ARHGEF11: variants seen among roughly 807,000 people sequenced by gnomAD.
ARHGEF11 encodes Rho guanine exchange factor (GEF) 11.
A neutral mutation model predicts 193.7 loss-of-function variants in ARHGEF11; 55 were observed. The observed-to-expected ratio is 0.28, with a 90% CI of 0.23 to 0.36. ARHGEF11 has a LOEUF of 0.36. ARHGEF11 is among the 10% of genes least tolerant of loss of function. The pLI is 1.00. For synonymous variants in ARHGEF11, 693 were observed against 768.0 expected (o/e 0.90, Z 1.62); for missense variants, 1,723 against 2,005.6 (o/e 0.86, Z 2.69).
intron 6 of ARHGEF11, among the ~76,000 whole-genome samples, chr1:156,977,920 C>G (rs1663491514): frequency 6.6e-6 from 1 of 152,182 alleles, no homozygotes; most frequent in Non-Finnish European, 1.5e-5. Flanking sequence ...ATGAGGAGCA[C>G]TTTTAGACAG....
intron 11 of ARHGEF11, among the ~76,000 whole-genome samples, chr1:156,966,667 A>G (rs1159821793): frequency 6.6e-6 from 1 of 152,216 alleles, no homozygotes; most frequent in Non-Finnish European, 1.5e-5. Context: ...ATACTGGCTC[A>G]TATTGTAAGA....
At chr1:157,011,685 T>G (rs1392436717) in intron 1 of ARHGEF11, among the ~76,000 whole-genome samples, 3 of 152,142 alleles carry the variant, frequency 2.0e-5, no homozygotes, top group African/African-American at 7.2e-5. Context: ...GAAAAGATAC[T>G]TCTCCAAAGA....
intron 1 of ARHGEF11, among the ~76,000 whole-genome samples, chr1:157,021,123 G>A (rs1026631910): frequency 6.6e-6 from 1 of 152,222 alleles, no homozygotes; most frequent in Non-Finnish European, 1.5e-5. Flanking sequence ...CAGTTGCTCT[G>A]TAGGAAGATG....
intron 37 of ARHGEF11, chr1:156,939,299 TTCAG>T: frequency 1.8e-6 from 1 of 549,392 alleles, no homozygotes; most frequent in Non-Finnish European, 3.2e-6. Flanking sequence ...TAAAACAAAG[TTCAG>T]AGATGATTCA....
chr1:156,956,443 G>A lies in ARHGEF11; in HGVS notation c.1648C>T (p.Pro550Ser), dbSNP rs1198525798. Reference protein sequence around the residue: ...QSAPDKDKWLPFFPKTKKSSN... With the variant: ...QSAPDKDKWLSFFPKTKKSSN... Reference sequence around the variant, plus strand: ...ACCTTCTTGGTCTTAGGGAAGAACGGTAGCCACTTGTCCTTGTCAGGAGCA... The same window carrying A: ...ACCTTCTTGGTCTTAGGGAAGAACGATAGCCACTTGTCCTTGTCAGGAGCA... The change falls in exon 19 of 41, where the codon CCG becomes TCG. Residue 550 changes from proline to serine, a missense_variant. By Grantham distance (74) the Pro-to-Ser change is moderately conservative. Transcript: ENST00000368194. 6.2e-7 allele frequency: 1 copy of A among 1,613,972 alleles called. No individual in the cohort carries two copies. The highest frequency in any genetic ancestry group is 2.2e-5 in the East Asian group (1 of 44,884).
At chr1:157,000,639 G>A (rs569748612) in intron 1 of ARHGEF11, among the ~76,000 whole-genome samples, 4 of 152,304 alleles carry the variant, frequency 2.6e-5, no homozygotes, top group East Asian at 3.9e-4. Flanking sequence ...AAAGTACTGG[G>A]TGGCAGAGGA....
intron 21 of ARHGEF11, among the ~76,000 whole-genome samples, chr1:156,952,032 C>T (rs200988118): frequency 3.9e-5 from 6 of 152,014 alleles, no homozygotes; most frequent in African/African-American, 1.4e-4. Flanking sequence ...TTCCTAAAAG[C>T]CACATACAGG....
At chr1:156,940,500 G>A (rs1288379468) in intron 35 of ARHGEF11, 75 bp from the exon 36 acceptor site, 2 of 1,357,144 alleles carry the variant, frequency 1.5e-6, no homozygotes, top group Non-Finnish European at 2.0e-6. Context: ...GGGCAGCTTT[G>A]GAGCCAAGGG....
At chr1:157,014,004 A>T (rs12027230) in intron 1 of ARHGEF11, among the ~76,000 whole-genome samples, 4 of 152,064 alleles carry the variant, frequency 2.6e-5, no homozygotes, top group Non-Finnish European at 4.4e-5. Context: ...AGCTGCACTC[A>T]GCTAGGGAAA....
chr1:157,004,359 CAACTCCAT>C (rs1217359260), intron 1 of ARHGEF11, among the ~76,000 whole-genome samples: 2 of 152,172 alleles, frequency 1.3e-5, no homozygotes, highest in African/African-American at 4.8e-5. Flanking sequence ...GTGGAAAATT[CAACTCCAT>C]CCCAGGCGGA....
intron 13 of ARHGEF11, 78 bp downstream of exon 13, chr1:156,963,125 G>A (rs1661196192): frequency 1.8e-6 from 2 of 1,123,276 alleles, no homozygotes; most frequent in Admixed American, 3.8e-5. Flanking sequence ...TAACAGCCAG[G>A]GAGCAGAAAC....
In ARHGEF11 at chr1:156,939,555, C is replaced by T. The variant is rs370742614; in HGVS notation, c.4089G>A (p.Val1363=). The change falls in exon 37 of 41, where the codon GTG becomes GTA. Residue 1363 remains valine (V), a synonymous_variant. Transcript: ENST00000368194. The part of the protein sequence containing the change: ...STEAAGGYKV[V]RKAEVAGSKV... ...CACTCCCATTTATTTTACCTTTTCT[C>T]ACAACTTTGTAACCTCCTGCTGCCT... The T allele has an allele frequency of 6.2e-7, 1 of 1,611,290 alleles. No homozygotes were observed. The highest frequency in any genetic ancestry group is 8.5e-7 in the Non-Finnish European group (1 of 1,180,032).
intron 1 of ARHGEF11, among the ~76,000 whole-genome samples, chr1:157,024,703 G>A (rs764749634): frequency 3.3e-5 from 5 of 150,302 alleles, no homozygotes; most frequent in African/African-American, 7.3e-5. Context: ...ACCAAAAGCC[G>A]TATTAAAGAT....
At chr1:156,950,664 AAAACAAAC>A (rs553238000) in intron 22 of ARHGEF11, among the ~76,000 whole-genome samples, 1 of 151,702 alleles carries the variant, frequency 6.6e-6, no homozygotes, top group African/African-American at 2.4e-5. Context: ...AAAAATCCCC[AAAACAAAC>A]AAACAAACAA....
intron 40 of ARHGEF11, 64 bp downstream of exon 40, chr1:156,936,752 T>C: frequency 6.5e-7 from 1 of 1,544,972 alleles, no homozygotes; most frequent in South Asian, 1.2e-5. Context: ...TAGTGATGTG[T>C]CCTCACGAGT....
At chr1:157,013,804 C>T (rs1668860598) in intron 1 of ARHGEF11, among the ~76,000 whole-genome samples, 1 of 152,186 alleles carries the variant, frequency 6.6e-6, no homozygotes, top group Admixed American at 6.5e-5. Context: ...GTGACATCAC[C>T]AGACCCTGGT....
intron 7 of ARHGEF11, among the ~76,000 whole-genome samples, chr1:156,975,212 G>A (rs148608700): frequency 6.6e-6 from 1 of 152,246 alleles, no homozygotes; most frequent in East Asian, 1.9e-4. Flanking sequence ...ATCTCACAAC[G>A]CTTGTTATTT....
intron 8 of ARHGEF11, among the ~76,000 whole-genome samples, chr1:156,970,613 A>G (rs1267778173): frequency 6.6e-6 from 1 of 152,250 alleles, no homozygotes; most frequent in East Asian, 1.9e-4. Flanking sequence ...CTTGCCCAAG[A>G]TACACAGCAG....
intron 29 of ARHGEF11, 188 bp downstream of exon 29, chr1:156,945,857 A>G: frequency 1.8e-6 from 1 of 553,612 alleles, no homozygotes; most frequent in Non-Finnish European, 3.2e-6. Flanking sequence ...TCCCACTATT[A>G]AACACCTTAT....
Sources: gnomAD v4.1 joint callset for allele counts (sites outside exome capture counted in the v4.1 genomes callset) on GRCh38, gnomAD v4.1.1 for gene constraint, MANE v1.5 for transcripts, NCBI Gene and HGNC (gene_info 2026-07-23, HGNC 2026-07-21) for gene names.